Variants in FANCD2 observed in about 807,000 individuals in gnomAD.
FANCD2 encodes Fanconi anemia group D2 protein.
FANCD2 carries 131 observed loss-of-function variants against 192.3 expected under a neutral mutation model. The observed-to-expected ratio is 0.68, with a 90% CI of 0.59 to 0.79. The LOEUF (loss-of-function observed/expected upper bound fraction) is 0.79. Among genes scored for constraint, FANCD2 ranks in the 30% least tolerant of loss-of-function variants. FANCD2 has a pLI of 0.00. For missense variants in FANCD2, 1,508 were observed against 1,701.6 expected, an observed-to-expected ratio of 0.89 and a Z score of 2.00; for synonymous variants, 524 against 612.5, an observed-to-expected ratio of 0.86 and a Z score of 2.13.
chr3:10,062,242 CCTGT>C (rs776292242), intron 20 of FANCD2, 31 bp downstream of exon 20: 33 of 1,589,186 alleles, frequency 2.1e-5, no homozygotes, highest in Non-Finnish European at 2.7e-5. Flanking sequence ...CTTTCTTTTT[CCTGT>C]CTTTTTTTTT....
At chr3:10,101,134 G>A in intron 43 of FANCD2, 54 bp from the exon 44 acceptor site, 6 of 1,342,094 alleles carry the variant, frequency 4.5e-6, no homozygotes, top group Middle Eastern at 1.8e-4. Flanking sequence ...GTATTCCAGA[G>A]GTCACCCAGA....
At chr3:10,072,346 T>TCTGCTTACTA (rs1468509514) in intron 26 of FANCD2, among the ~76,000 whole-genome samples, 3 of 151,084 alleles carry the variant, frequency 2.0e-5, no homozygotes, top group African/African-American at 7.3e-5. Flanking sequence ...TGGTGCGATC[T>TCTGCTTACTA]CTGCTTACTA....
Position 10,035,177 on chromosome 3 carries a change from G to T in FANCD2, c.382G>T (p.Gly128Cys), listed in dbSNP as rs772201181. Residue 128 changes from glycine to cysteine, a missense_variant, in exon 6 of 44, where the codon GGT (glycine) becomes TGT (cysteine). Gly to Cys is a radical substitution (Grantham distance 159). Around this residue, in one of 5 missense-constraint regions of FANCD2, gnomAD observed 435 missense variants for 421.9 expected, o/e 1.03. Coordinates refer to ENST00000675286, the MANE Select transcript of FANCD2 (RefSeq NM_001018115.3). ...ERLQDEEASM[G>C]ASYSKSLIKL... is the part of the protein sequence containing the mutation. The stretch of plus-strand genomic sequence containing the variant: ...AGATTTCTTTTTTTTTTACAGTATG[G>T]GTGCATCTTATTCTAAGAGTCTCAT... 1.5e-5 allele frequency: 24 copies of T among 1,612,046 alleles called. 1 individual carries two copies. Among genetic ancestry groups the T allele is most frequent in the Middle Eastern group, 1.6e-4 (1 of 6,084 alleles).
intron 26 of FANCD2, among the ~76,000 whole-genome samples, chr3:10,072,008 C>T (rs1693280245): frequency 6.6e-6 from 1 of 152,188 alleles, no homozygotes; most frequent in Admixed American, 6.5e-5. Flanking sequence ...GATCCACCTT[C>T]CTCGGCCTCC....
At chr3:10,091,197 C>G (rs13098715) in intron 37 of FANCD2, among the ~76,000 whole-genome samples, 1 of 147,518 alleles carries the variant, frequency 6.8e-6, no homozygotes. Flanking sequence ...CCTCCCACGT[C>G]AGCCTCCCAA....
At chr3:10,084,339 T>C (rs1304625635) in intron 32 of FANCD2, among the ~76,000 whole-genome samples, 1 of 150,928 alleles carries the variant, frequency 6.6e-6, no homozygotes, top group Non-Finnish European at 1.5e-5. Context: ...TTGCCCAGGC[T>C]GGAGTGTAGT....
intron 2 of FANCD2, chr3:10,032,170 C>CATATTTAATTATTAAAATATG (rs2086619615): frequency 4.5e-6 from 1 of 222,862 alleles, no homozygotes; most frequent in Admixed American, 5.7e-5. Flanking sequence ...AATAAGCTTC[C>CATATTTAATTATTAAAATATG]CAGGGATTCC....
intron 26 of FANCD2, among the ~76,000 whole-genome samples, chr3:10,071,930 T>C (rs1693273471): frequency 6.9e-6 from 1 of 145,792 alleles, no homozygotes; most frequent in Admixed American, 6.7e-5. Flanking sequence ...CAGCTAATTT[T>C]TGTACTTTTG....
chr3:10,093,328 G>A lies in FANCD2; in HGVS notation c.3888+5G>A, dbSNP rs1694763294. ...GTTCTGCATGTATGTTTGAAGGTGA[G>A]AGATTTACTGGGCCCTGTTTCATAT... On this transcript the variant is annotated splice_donor_5th_base_variant and intron_variant, in intron 39 of 43. Transcript: ENST00000675286. 1.2e-6 allele frequency: 2 copies of A among 1,608,074 alleles called. No individual in the cohort carries two copies. Among genetic ancestry groups the A allele is most frequent in the Non-Finnish European group, 1.7e-6 (2 of 1,174,596 alleles).
chr3:10,084,314 C>G (rs1011310840), intron 32 of FANCD2, among the ~76,000 whole-genome samples: 7 of 143,772 alleles, frequency 4.9e-5, no homozygotes, highest in Admixed American at 1.4e-4. Context: ...TTCCCTGAGA[C>G]AGGGTCTTGC....
chr3:10,049,618 C>G, intron 17 of FANCD2, 113 bp downstream of exon 17: 2 of 1,050,338 alleles, frequency 1.9e-6, no homozygotes, highest in Non-Finnish European at 1.5e-6. Flanking sequence ...ACTATTCTAT[C>G]TATGTGTTAA....
chr3:10,073,958 G>A (rs1214892990), intron 28 of FANCD2, among the ~76,000 whole-genome samples: 1 of 151,734 alleles, frequency 6.6e-6, no homozygotes, highest in African/African-American at 2.4e-5. Context: ...TTTGTTTTTT[G>A]TTTTTGAGAT....
chr3:10,072,565 C>G (rs1395584733), intron 26 of FANCD2, among the ~76,000 whole-genome samples: 1 of 152,234 alleles, frequency 6.6e-6, no homozygotes, highest in Non-Finnish European at 1.5e-5. Context: ...CAGGCGCGAG[C>G]CACCCTGCCT....
intron 7 of FANCD2, among the ~76,000 whole-genome samples, chr3:10,036,836 A>C (rs2086743351): frequency 6.6e-6 from 1 of 151,860 alleles, no homozygotes; most frequent in Non-Finnish European, 1.5e-5. Flanking sequence ...TTACCTTTTA[A>C]ATTTTGTAGT....
chr3:10,042,414 A>T (rs1433372384), intron 10 of FANCD2, 145 bp from the exon 11 acceptor site: 4 of 699,706 alleles, frequency 5.7e-6, no homozygotes, highest in Non-Finnish European at 1.0e-5. Flanking sequence ...TTTGGGGAAA[A>T]ATCTAAAATT....
chr3:10,052,639 C>T (rs1320742548), intron 18 of FANCD2, 142 bp downstream of exon 18: 1 of 672,716 alleles, frequency 1.5e-6, no homozygotes, highest in Non-Finnish European at 2.7e-6. Flanking sequence ...CTGCCTCAGC[C>T]TCCCAAGTGG....
chr3:10,060,184 A>G, intron 18 of FANCD2, 110 bp from the exon 19 acceptor site: 5 of 720,682 alleles, frequency 6.9e-6, no homozygotes, highest in Non-Finnish European at 1.2e-5. Context: ...AAAAAAAAAC[A>G]GTTAGTAAAC....
chr3:10,099,012 A>G lies in FANCD2; in HGVS notation c.4281+197A>G, dbSNP rs7647987. 0.18 allele frequency: 289,322 copies of G among 1,612,436 alleles called. 29,915 individuals carry two copies. The highest frequency in any genetic ancestry group is 0.47 in the African/African-American group (35,038 of 74,876). ...GAAACAACGACACAATCTTAGAATC[A>G]CTCCTGAGTATCTCGAGTTGTGGCA... is the stretch of plus-strand genomic sequence containing the variant. On this transcript the variant is annotated intron_variant, in intron 43 of 43. Coordinates refer to ENST00000675286, the MANE Select transcript of FANCD2 (RefSeq NM_001018115.3).
intron 9 of FANCD2, chr3:10,040,326 G>A (rs1055223451): frequency 2.5e-5 from 9 of 361,044 alleles, no homozygotes; most frequent in African/African-American, 1.7e-4. Flanking sequence ...ATGAGCCACC[G>A]TGCCTGGCCC....
Sources: allele counts gnomAD v4.1 joint callset (sites outside exome capture counted in the v4.1 genomes callset), GRCh38; gene constraint gnomAD v4.1.1; regional missense constraint gnomAD v4.1.1; transcripts MANE v1.5; gene names NCBI Gene and HGNC (gene_info 2026-07-23, HGNC 2026-07-21).